Variants in SV2C observed in about 807,000 individuals in gnomAD.
SV2C encodes the protein solute carrier family 22 member B3.
Under a neutral mutation model 79.7 loss-of-function variants are expected in SV2C, and 49 were observed. The observed-to-expected ratio is 0.61, with a 90% CI of 0.49 to 0.78. SV2C has a LOEUF of 0.78. Among genes scored for constraint, SV2C ranks in the 30% least tolerant of loss-of-function variants. SV2C has a pLI of 0.00. For missense variants in SV2C, 833 were observed against 912.9 expected, an observed-to-expected ratio of 0.91 and a Z score of 1.13; for synonymous variants, 334 against 333.2, an observed-to-expected ratio of 1.00 and a Z score of -0.03.
At chr5:76,263,809 G>A (rs1746558180) in intron 4 of SV2C, among the ~76,000 whole-genome samples, 1 of 152,146 alleles carries the variant, frequency 6.6e-6, no homozygotes, top group South Asian at 2.1e-4. Flanking sequence ...CCGGTGAGTA[G>A]GGTTCCCTTT....
At chr5:75,893,406 T>C in the SV2C span, among the ~76,000 whole-genome samples, 1 of 151,920 alleles carries the variant, frequency 6.6e-6, no homozygotes, top group Non-Finnish European at 1.5e-5. Context: ...ACACTGAGGT[T>C]TTGCAGCCAT....
the SV2C span, among the ~76,000 whole-genome samples, chr5:75,999,699 A>T: frequency 6.7e-6 from 1 of 150,372 alleles, no homozygotes; most frequent in Non-Finnish European, 1.5e-5. Flanking sequence ...TTGGGCTGCT[A>T]TAAAAAAAAT....
intron 6 of SV2C, among the ~76,000 whole-genome samples, chr5:76,290,334 G>A (rs1008026966): frequency 6.6e-6 from 1 of 152,152 alleles, no homozygotes; most frequent in African/African-American, 2.4e-5. Context: ...TGCCAATAGA[G>A]TTACCCCTTT....
chr5:75,901,899 G>A, the SV2C span, among the ~76,000 whole-genome samples: 218 of 151,966 alleles, frequency 1.4e-3, 1 homozygote, highest in African/African-American at 4.7e-3. Context: ...AGCCAGGTGC[G>A]GGATATAATC....
chr5:76,154,588 G>C (rs1453112658), intron 2 of SV2C, among the ~76,000 whole-genome samples: 6 of 152,286 alleles, frequency 3.9e-5, no homozygotes, highest in East Asian at 3.9e-4. Context: ...TTTGTACTCT[G>C]CAGACTCTAC....
chr5:76,285,153 C>G lies in SV2C; in HGVS notation c.914-9C>G. ...GCTCTCCCTCACTCTCCGTGTCCTCCTTTTCCAGGGTGGAGCTTCAGCATG... is the reference window on the plus strand; with the variant it reads ...GCTCTCCCTCACTCTCCGTGTCCTCGTTTTCCAGGGTGGAGCTTCAGCATG... On this transcript the variant is annotated splice_polypyrimidine_tract_variant and intron_variant, in intron 4 of 12. Transcript: ENST00000502798. 6.2e-7 allele frequency: 1 copy of G among 1,613,834 alleles called. No individual in the cohort carries two copies. The highest frequency in any genetic ancestry group is 8.5e-7 in the Non-Finnish European group (1 of 1,179,840).
intron 4 of SV2C, among the ~76,000 whole-genome samples, chr5:76,265,896 G>A (rs1318395959): frequency 2.0e-5 from 3 of 152,116 alleles, no homozygotes; most frequent in Non-Finnish European, 4.4e-5. Context: ...GCTGGGAGCT[G>A]CAGACCAGAA....
chr5:76,145,916 A>G (rs1277484246), intron 2 of SV2C, among the ~76,000 whole-genome samples: 1 of 152,202 alleles, frequency 6.6e-6, no homozygotes, highest in Non-Finnish European at 1.5e-5. Flanking sequence ...CAACACTCAT[A>G]TAATAATAAT....
the SV2C span, among the ~76,000 whole-genome samples, chr5:75,991,566 G>GATATATATATATATATATACACACATAT: frequency 6.4e-5 from 9 of 140,380 alleles, no homozygotes; most frequent in Non-Finnish European, 7.7e-5. Context: ...TTCTTAGCAA[G>GATATATATATATATATATACACACATAT]ATATATATAT....
chr5:75,966,608 C>G, the SV2C span, among the ~76,000 whole-genome samples: 1 of 152,196 alleles, frequency 6.6e-6, no homozygotes, highest in African/African-American at 2.4e-5. Context: ...TAATCTGTAC[C>G]TTAATTTGCA....
chr5:76,323,682 T>G (rs1748899399), intron 12 of SV2C, among the ~76,000 whole-genome samples: 1 of 152,250 alleles, frequency 6.6e-6, no homozygotes, highest in Non-Finnish European at 1.5e-5. Flanking sequence ...GTGGTACATG[T>G]ACACCATGGA....
At chr5:76,350,945 C>T (rs1274730102) in intron 12 of SV2C, among the ~76,000 whole-genome samples, 3 of 150,356 alleles carry the variant, frequency 2.0e-5, no homozygotes, top group Non-Finnish European at 2.9e-5. Flanking sequence ...ACCCGGGAGG[C>T]GGAGGTTACA....
At chr5:76,232,246 G>T (rs1269838226) in intron 4 of SV2C, among the ~76,000 whole-genome samples, 4 of 147,428 alleles carry the variant, frequency 2.7e-5, no homozygotes, top group Non-Finnish European at 5.9e-5. Flanking sequence ...CTTTTGAGAA[G>T]TGTCTGTTCA....
At chr5:75,978,026 C>A in the SV2C span, among the ~76,000 whole-genome samples, 3 of 152,136 alleles carry the variant, frequency 2.0e-5, no homozygotes, top group Non-Finnish European at 4.4e-5. Context: ...CTTTAACCAC[C>A]TTTTGTATAT....
At chr5:76,140,766 A>G (rs1749226086) in intron 2 of SV2C, among the ~76,000 whole-genome samples, 1 of 152,050 alleles carries the variant, frequency 6.6e-6, no homozygotes, top group African/African-American at 2.4e-5. Context: ...TTTTTTCCCT[A>G]CAAGTGTACA....
chr5:75,847,477 C>T, the SV2C span, among the ~76,000 whole-genome samples: 2 of 152,356 alleles, frequency 1.3e-5, no homozygotes, highest in Admixed American at 1.3e-4. Flanking sequence ...CCCATGTACA[C>T]TGACTTGCAG....
the SV2C span, among the ~76,000 whole-genome samples, chr5:76,050,666 C>T: frequency 2.6e-5 from 4 of 152,222 alleles, no homozygotes; most frequent in East Asian, 3.9e-4. Flanking sequence ...CAAAACCCTC[C>T]GGAGCACTTA....
upstream of SV2C, among the ~76,000 whole-genome samples, chr5:76,080,772 G>C (rs555548499): frequency 1.6e-4 from 24 of 152,168 alleles, no homozygotes; most frequent in Non-Finnish European, 3.4e-4. Flanking sequence ...ATTCTGTGGG[G>C]ATGGAGGGTA....
intron 4 of SV2C, among the ~76,000 whole-genome samples, chr5:76,224,620 G>A (rs1211033417): frequency 1.3e-5 from 2 of 152,124 alleles, no homozygotes; most frequent in African/African-American, 2.4e-5. Flanking sequence ...TGACTTACAG[G>A]ACAAGAGATA....
Sources: gnomAD v4.1 joint callset for allele counts (sites outside exome capture counted in the v4.1 genomes callset) on GRCh38, gnomAD v4.1.1 for gene constraint, MANE v1.5 for transcripts, NCBI Gene and HGNC (gene_info 2026-07-23, HGNC 2026-07-21) for gene names.